ZC3H14: variants seen among roughly 807,000 people sequenced by gnomAD.
The protein encoded by ZC3H14 is zinc finger CCCH-type containing 14.
In ZC3H14, 31 loss-of-function variants were observed where a neutral mutation model predicts 92.4. That is an observed-to-expected ratio of 0.34 (90% CI 0.25 to 0.45). The LOEUF (loss-of-function observed/expected upper bound fraction) is 0.45, where lower values mean the gene tolerates loss of function less well. Ranked by LOEUF, ZC3H14 falls within the 20% of genes least tolerant of loss-of-function variation. ZC3H14 has a pLI of 1.00. For synonymous variants in ZC3H14, 321 were observed against 300.9 expected, an observed-to-expected ratio of 1.07 and a Z score of -0.69; for missense variants, 781 against 897.3, an observed-to-expected ratio of 0.87 and a Z score of 1.66.
At chr14:88,579,449 T>C (rs944691677) in intron 9 of ZC3H14, among the ~76,000 whole-genome samples, 2 of 152,130 alleles carry the variant, frequency 1.3e-5, no homozygotes, top group Non-Finnish European at 2.9e-5. Context: ...ATGAGGCTGA[T>C]CTAAAAGGAC....
chr14:88,602,019 C>G lies in ZC3H14; in HGVS notation c.1450C>G (p.Gln484Glu). 1.2e-6 allele frequency: 2 copies of G among 1,614,148 alleles called. No homozygotes were observed. Among genetic ancestry groups the G allele is most frequent in the Non-Finnish European group, 1.7e-6 (2 of 1,180,000 alleles). ...TGAGGAAGTAGTAGTGGCACCAAAC[C>G]AAGAGTCGGGGATGAAGACTGCAGA... ...LSEEVVVAPN[Q>E]ESGMKTADSL... The change falls in exon 11 of 17, where the codon CAA becomes GAA. Residue 484 changes from glutamine to glutamate, a missense_variant. Around this residue, in one of 3 missense-constraint regions of ZC3H14, gnomAD observed 454 missense variants for 438.5 expected, o/e 1.04. Transcript: ENST00000251038.
chr14:88,615,906 A>T lies in ZC3H14; in HGVS notation c.*4155A>T. ...GAGTTAATTATGTTTTTAGATTTTC[A>T]TAACAGTTTAATATTTTTCAGTTGT... On this transcript the variant is annotated 3_prime_UTR_variant, in exon 17 of 17. Transcript: ENST00000251038. 4 of 1,567,534 alleles carry T rather than the reference A, an allele frequency of 2.6e-6. No homozygotes were observed. Among genetic ancestry groups the T allele is most frequent in the South Asian group, 2.4e-5 (2 of 84,902 alleles).
rs2088938777 is a variant in ZC3H14 at position 88,621,533 on chromosome 14, T to G, written c.*9782T>G. On this transcript the variant is annotated 3_prime_UTR_variant, in exon 17 of 17. Transcript: ENST00000251038. ...TAGAGTCCATGCTACAGAATAGAAC[T>G]TTTCTGTGGCAGTACACCTGGATTC... 2 of 549,022 alleles carry G rather than the reference T, an allele frequency of 3.6e-6. No individual in the cohort carries two copies. Among genetic ancestry groups the G allele is most frequent in the Admixed American group, 6.6e-5 (2 of 30,078 alleles). 34.0% of individuals were successfully genotyped at this position (549,022 alleles called of 1,614,324 possible).
chr14:88,615,780 G>C lies in ZC3H14; in HGVS notation c.*4029G>C. The C allele has an allele frequency of 1.9e-6, 3 of 1,598,790 alleles. No homozygotes were observed. The highest frequency in any genetic ancestry group is 2.6e-6 in the Non-Finnish European group (3 of 1,172,050). ...TTTGGTTTTTCTTCTCTGTAATTCT[G>C]GTCTCAAAGTTAATTTCTGTAGTCA... On this transcript the variant is annotated 3_prime_UTR_variant, in exon 17 of 17. Coordinates refer to ENST00000251038, the MANE Select transcript of ZC3H14 (RefSeq NM_024824.5).
At chr14:88,571,300 G>T (rs886179586) in intron 4 of ZC3H14, among the ~76,000 whole-genome samples, 176 bp downstream of exon 4, 4 of 152,028 alleles carry the variant, frequency 2.6e-5, no homozygotes, top group Admixed American at 6.5e-5. Context: ...ATAATTCAAA[G>T]ATAATTTAAG....
chr14:88,615,715 C>A lies in ZC3H14; in HGVS notation c.*3964C>A. 9.6e-7 allele frequency: 1 copy of A among 1,036,516 alleles called. No homozygotes were observed. The allele number at this position is 1,036,516 out of a possible 1,614,324, so 64.2% of individuals were successfully genotyped here. On this transcript the variant is annotated 3_prime_UTR_variant, in exon 17 of 17. Coordinates refer to ENST00000251038, the MANE Select transcript of ZC3H14 (RefSeq NM_024824.5). ...TGATTCTGGGCATTTCTCCCTGTTA[C>A]AGTCTTGGGTTAGCACCACTTGACC... is the stretch of plus-strand genomic sequence containing the variant.
intron 9 of ZC3H14, among the ~76,000 whole-genome samples, chr14:88,596,420 G>C (rs987382135): frequency 1.3e-5 from 2 of 152,250 alleles, no homozygotes; most frequent in South Asian, 4.1e-4. Flanking sequence ...GCCACAAGGT[G>C]CCTTTTCCTG....
chr14:88,595,534 A>G (rs888769949), intron 9 of ZC3H14, among the ~76,000 whole-genome samples: 3 of 152,204 alleles, frequency 2.0e-5, no homozygotes. Flanking sequence ...TTCCCACAGG[A>G]ATGCAACTTG....
intron 9 of ZC3H14, among the ~76,000 whole-genome samples, chr14:88,593,807 TG>T (rs1281213356): frequency 1.3e-5 from 2 of 151,914 alleles, no homozygotes; most frequent in East Asian, 3.9e-4. Context: ...TTCTTAAATA[TG>T]ACACCAAAAG....
intron 3 of ZC3H14, 116 bp from the exon 4 acceptor site, chr14:88,570,968 A>G (rs1054558416): frequency 1.4e-5 from 11 of 805,776 alleles, no homozygotes; most frequent in Non-Finnish European, 1.9e-5. Context: ...AATAATAAAA[A>G]TATAAAAAAA....
In ZC3H14 at chr14:88,611,930, G is replaced by T; in HGVS notation, c.*179G>T. ...TTTCAAGTTTGTAAGTTTATTATGT[G>T]GTTTTAACATTGGGTGTTTTTGTTT... On this transcript the variant is annotated 3_prime_UTR_variant, in exon 17 of 17. Coordinates refer to ENST00000251038, the MANE Select transcript of ZC3H14 (RefSeq NM_024824.5). 1 of 810,448 alleles carries T rather than the reference G, an allele frequency of 1.2e-6. No individual in the cohort carries two copies. 50.2% of individuals were successfully genotyped at this position (810,448 alleles called of 1,614,324 possible). A position where few individuals can be genotyped will look rare whatever the true frequency, so the allele number is the denominator to read the frequency against.
At position 88,606,386 on chromosome 14, in the gene ZC3H14, C is replaced by T. The variant is rs149705985; in HGVS notation, c.1748-857C>T. Among the ~76,000 whole-genome samples, 449 of 152,292 alleles carry T rather than the reference C, an allele frequency of 2.9e-3. 3 individuals are homozygous for T. Among genetic ancestry groups the T allele is most frequent in the African/African-American group, 0.01 (435 of 41,544 alleles). ...CCCTTATTGCATTTATCATCTTCAG[C>T]CCAGTCAGTCTTGCTGTTAGGGGAA... On this transcript the variant is annotated intron_variant, in intron 12 of 16. Coordinates refer to ENST00000251038, the MANE Select transcript of ZC3H14 (RefSeq NM_024824.5).
Position 88,563,215 on chromosome 14 carries a change from C to G in ZC3H14, c.36+46C>G, listed in dbSNP as rs368493275. ...GGGTGGGAAGCCAGGTCTCGGCGAG[C>G]GGGCGGTTGTCAGGAGTAACGGGGA... On this transcript the variant is annotated intron_variant, in intron 1 of 16. Transcript: ENST00000251038. The G allele has an allele frequency of 2.5e-6, 4 of 1,584,256 alleles. No homozygotes were observed. The South Asian group carries it at 4.6e-5, about 18-fold the overall frequency.
chr14:88,576,693 G>T (rs897510871), intron 8 of ZC3H14, among the ~76,000 whole-genome samples: 2 of 152,186 alleles, frequency 1.3e-5, no homozygotes, highest in African/African-American at 4.8e-5. Context: ...TGTGGATTTG[G>T]TGGGTGTACT....
chr14:88,595,467 C>T (rs556793317), intron 9 of ZC3H14, among the ~76,000 whole-genome samples: 2 of 152,284 alleles, frequency 1.3e-5, no homozygotes, highest in East Asian at 1.9e-4. Flanking sequence ...AGACCTGTTG[C>T]AGTATTTGGA....
At position 88,618,054 on chromosome 14, in the gene ZC3H14, A is replaced by T. The variant is rs972983578; in HGVS notation, c.*6303A>T. On this transcript the variant is annotated 3_prime_UTR_variant, in exon 17 of 17. Coordinates refer to ENST00000251038, the MANE Select transcript of ZC3H14 (RefSeq NM_024824.5). ...AATCATGGAAACTGATAAAACATGGAAATATATTCAATAAAAAGGGGTCCC... is the reference window on the plus strand; with the variant it reads ...AATCATGGAAACTGATAAAACATGGTAATATATTCAATAAAAAGGGGTCCC... 9.3e-6 allele frequency: 4 copies of T among 429,116 alleles called. No homozygotes were observed. The highest frequency in any genetic ancestry group is 8.0e-5 in the African/African-American group (4 of 49,814). The allele number at this position is 429,116 out of a possible 1,614,324, so 26.6% of individuals were successfully genotyped here.
Position 88,625,142 on chromosome 14 carries a change from G to C in ZC3H14, c.*13391G>C. ...GTCAAGTTATTCTGAAAAGGAGTGG[G>C]GGAGGGGGAGACAAACTCATCAAAA... On this transcript the variant is annotated 3_prime_UTR_variant, in exon 17 of 17. Transcript: ENST00000251038. 6.2e-7 allele frequency: 1 copy of C among 1,612,602 alleles called. No individual in the cohort carries two copies. Among genetic ancestry groups the C allele is most frequent in the Non-Finnish European group, 8.5e-7 (1 of 1,179,332 alleles).
rs1289420830 is a variant in ZC3H14, at chr14:88,619,599, C to G, written c.*7848C>G. ...TTCTTCCATCTGGAAAAAACGTTGT[C>G]TTAATATTAAGCAAAGAACACAGCC... On this transcript the variant is annotated 3_prime_UTR_variant, in exon 17 of 17. Coordinates refer to ENST00000251038, the MANE Select transcript of ZC3H14 (RefSeq NM_024824.5). 1 of 152,212 alleles carries G rather than the reference C, an allele frequency of 6.6e-6. No homozygotes were observed. Among genetic ancestry groups the G allele is most frequent in the Non-Finnish European group, 1.5e-5 (1 of 68,046 alleles). The allele number at this position is 152,212 out of a possible 1,614,324, so 9.4% of individuals were successfully genotyped here. A position where few individuals can be genotyped will look rare whatever the true frequency, so the allele number is the denominator to read the frequency against.
intron 9 of ZC3H14, chr14:88,594,659 A>C: frequency 1.2e-6 from 2 of 1,610,858 alleles, no homozygotes; most frequent in Non-Finnish European, 1.7e-6. Flanking sequence ...ATGAGCTGTG[A>C]AGAAAAAATT....
Sources: allele counts gnomAD v4.1 joint callset (sites outside exome capture counted in the v4.1 genomes callset), GRCh38; gene constraint gnomAD v4.1.1; regional missense constraint gnomAD v4.1.1; transcripts MANE v1.5; gene names NCBI Gene and HGNC (gene_info 2026-07-23, HGNC 2026-07-21).